PIK3CB: variants seen among roughly 807,000 people sequenced by gnomAD.
PIK3CB encodes the protein phosphatidylinositol-4,5-bisphosphate 3-kinase catalytic subunit beta.
PIK3CB carries 39 observed loss-of-function variants against 136.8 expected under a neutral mutation model. That is an observed-to-expected ratio of 0.29 (90% CI 0.22 to 0.37). The LOEUF is 0.37. Among genes scored for constraint, PIK3CB ranks in the 10% least tolerant of loss-of-function variants. The probability of loss-of-function intolerance (pLI) is 1.00; values close to 1 mark genes in which losing one functional copy is unlikely to be tolerated. For synonymous variants in PIK3CB, 428 were observed against 436.6 expected, an observed-to-expected ratio of 0.98 and a Z score of 0.25; for missense variants, 868 against 1,275.4, an observed-to-expected ratio of 0.68 and a Z score of 4.87.
intron 13 of PIK3CB, among the ~76,000 whole-genome samples, chr3:138,697,964 C>A (rs759417525): frequency 2.0e-5 from 3 of 151,894 alleles, no homozygotes; most frequent in Non-Finnish European, 4.4e-5. Flanking sequence ...AACTCCTGAG[C>A]TCAAGCGATC....
intron 5 of PIK3CB, among the ~76,000 whole-genome samples, chr3:138,740,726 C>T (rs1040116248): frequency 6.6e-6 from 1 of 151,958 alleles, no homozygotes; most frequent in Non-Finnish European, 1.5e-5. Flanking sequence ...AATCTGGGCT[C>T]GCTGCAAACT....
At chr3:138,769,405 A>C (rs891328929) in intron 2 of PIK3CB, among the ~76,000 whole-genome samples, 3 of 152,218 alleles carry the variant, frequency 2.0e-5, no homozygotes, top group Non-Finnish European at 4.4e-5. Flanking sequence ...AGAAGCTCTA[A>C]GTCAAGAAAA....
chr3:138,801,921 A>G (rs960775767), intron 1 of PIK3CB, among the ~76,000 whole-genome samples: 13 of 151,302 alleles, frequency 8.6e-5, no homozygotes, highest in Non-Finnish European at 1.9e-4. Flanking sequence ...TGGTGCACAC[A>G]TGTAATCCTA....
chr3:138,827,987 C>CA (rs372210332), intron 1 of PIK3CB, among the ~76,000 whole-genome samples: 2,189 of 149,982 alleles, frequency 0.015, 44 homozygotes, highest in Middle Eastern at 0.048. Context: ...GACTCCGTCT[C>CA]AAAAAAAACA....
At chr3:138,674,740 A>C (rs969121383) in intron 19 of PIK3CB, among the ~76,000 whole-genome samples, 2 of 152,226 alleles carry the variant, frequency 1.3e-5, no homozygotes, top group African/African-American at 4.8e-5. Context: ...ACATGTTCAA[A>C]GAACTAAAGG....
chr3:138,654,605 T>C lies in PIK3CB; in HGVS notation c.*784A>G, dbSNP rs1365078878. On this transcript the variant is annotated 3_prime_UTR_variant, in exon 24 of 24. Transcript: ENST00000674063. ...ATATGTGCCTCATTATAGAAGCAGC[T>C]GGAAGAACTGGATCACACAGTTACC... 4.4e-6 allele frequency: 1 copy of C among 227,292 alleles called. No individual in the cohort carries two copies. Among genetic ancestry groups the C allele is most frequent in the African/African-American group, 2.2e-5 (1 of 45,052 alleles). The allele number at this position is 227,292 out of a possible 1,614,324, so 14.1% of individuals were successfully genotyped here.
chr3:138,704,323 T>C, intron 12 of PIK3CB, 120 bp downstream of exon 12: 1 of 766,270 alleles, frequency 1.3e-6, no homozygotes, highest in East Asian at 2.5e-5. Context: ...TTACCCACAC[T>C]CACAGACTGT....
chr3:138,810,762 C>CA (rs1345603427), intron 1 of PIK3CB, among the ~76,000 whole-genome samples: 9 of 151,284 alleles, frequency 5.9e-5, no homozygotes, highest in South Asian at 2.1e-4. Flanking sequence ...ACTAAAAACA[C>CA]AAAAAAAATT....
At chr3:138,728,355 C>A (rs1192957353) in intron 8 of PIK3CB, among the ~76,000 whole-genome samples, 4 of 152,106 alleles carry the variant, frequency 2.6e-5, no homozygotes, top group Admixed American at 2.6e-4. Flanking sequence ...CTCAATTTTC[C>A]TTATGAGCAT....
intron 1 of PIK3CB, among the ~76,000 whole-genome samples, chr3:138,832,386 T>C (rs898523003): frequency 2.0e-5 from 3 of 152,072 alleles, no homozygotes; most frequent in African/African-American, 7.2e-5. Context: ...AATTCCAGTT[T>C]AAACCTTTAA....
intron 20 of PIK3CB, 53 bp from the exon 21 acceptor site, chr3:138,664,082 T>C: frequency 1.3e-6 from 2 of 1,596,418 alleles, no homozygotes; most frequent in South Asian, 1.1e-5. Flanking sequence ...TCCAAGCGTG[T>C]AGAGTGAGAC....
At chr3:138,789,526 G>C (rs1009966513) in intron 2 of PIK3CB, among the ~76,000 whole-genome samples, 3 of 152,178 alleles carry the variant, frequency 2.0e-5, no homozygotes, top group Non-Finnish European at 4.4e-5. Flanking sequence ...TTCTGGTGAT[G>C]TATGCAAAAG....
At chr3:138,673,805 C>A (rs1577057273) in intron 19 of PIK3CB, among the ~76,000 whole-genome samples, 2 of 152,098 alleles carry the variant, frequency 1.3e-5, no homozygotes, top group Non-Finnish European at 2.9e-5. Flanking sequence ...AACAAATAGC[C>A]CACAATCATG....
chr3:138,784,752 A>G (rs2045956838), intron 2 of PIK3CB, among the ~76,000 whole-genome samples: 1 of 152,146 alleles, frequency 6.6e-6, no homozygotes. Context: ...CCAGGCTGGA[A>G]TGCAGTGGCG....
chr3:138,800,619 A>G (rs989846772), intron 1 of PIK3CB, among the ~76,000 whole-genome samples: 1 of 151,824 alleles, frequency 6.6e-6, no homozygotes, highest in Non-Finnish European at 1.5e-5. Flanking sequence ...ACCCAGCTAC[A>G]ACTCTATTAT....
chr3:138,819,778 C>A (rs1044092981), intron 1 of PIK3CB, among the ~76,000 whole-genome samples: 1 of 152,088 alleles, frequency 6.6e-6, no homozygotes, highest in Non-Finnish European at 1.5e-5. Flanking sequence ...AGTTTGAGAC[C>A]AACCTGGAAA....
At chr3:138,768,672 C>A (rs1282889554) in intron 2 of PIK3CB, among the ~76,000 whole-genome samples, 1 of 152,208 alleles carries the variant, frequency 6.6e-6, no homozygotes, top group Non-Finnish European at 1.5e-5. Context: ...AGGTCAGCGC[C>A]AAGCTGCCCT....
At chr3:138,702,003 T>C (rs77436374) in intron 12 of PIK3CB, among the ~76,000 whole-genome samples, 1 of 151,284 alleles carries the variant, frequency 6.6e-6, no homozygotes, top group Non-Finnish European at 1.5e-5. Context: ...TATTTACATA[T>C]AAAGTTAGGA....
chr3:138,683,859 A>G (rs1282301170), intron 17 of PIK3CB, 72 bp from the exon 18 acceptor site: 2 of 832,976 alleles, frequency 2.4e-6, no homozygotes, highest in Admixed American at 3.7e-5. Context: ...ACCACTATAT[A>G]CTAGGCTTGG....
Sources: gnomAD v4.1 joint callset for allele counts (sites outside exome capture counted in the v4.1 genomes callset) on GRCh38, gnomAD v4.1.1 for gene constraint, MANE v1.5 for transcripts, NCBI Gene and HGNC (gene_info 2026-07-23, HGNC 2026-07-21) for gene names.